ADAM12: variants seen among roughly 807,000 people sequenced by gnomAD.
ADAM12 encodes the protein disintegrin and metalloproteinase domain-containing protein 12.
Under a neutral mutation model 106.4 loss-of-function variants are expected in ADAM12, and 70 were observed. The observed-to-expected ratio is 0.66, with a 90% confidence interval of 0.54 to 0.80. ADAM12 has a LOEUF of 0.80. Among genes scored for constraint, ADAM12 ranks in the 30% least tolerant of loss-of-function variants. ADAM12 has a pLI of 0.00. For synonymous variants in ADAM12, 420 were observed against 433.5 expected (o/e 0.97, Z 0.39); for missense variants, 1,010 against 1,171.9 (o/e 0.86, Z 2.02).
chr10:126,132,273 G>A (rs972768493), intron 5 of ADAM12, among the ~76,000 whole-genome samples: 1 of 152,122 alleles, frequency 6.6e-6, no homozygotes, highest in Non-Finnish European at 1.5e-5. Flanking sequence ...GCGCCCCCGG[G>A]CAGCTTTTCT....
Position 126,039,439 on chromosome 10 carries a change from A to C in ADAM12, c.2105-10T>G. 6.2e-7 allele frequency: 1 copy of C among 1,613,904 alleles called. No individual in the cohort carries two copies. The highest frequency in any genetic ancestry group is 2.2e-5 in the East Asian group (1 of 44,862). ...GTTAAACCTTGGTTATCTGAAACAA[A>C]ACACATGGGGCTCACAGAAGGAGGC... On this transcript the variant is annotated splice_polypyrimidine_tract_variant and intron_variant, in intron 18 of 22. Coordinates refer to ENST00000448723, the MANE Select transcript of ADAM12 (RefSeq NM_001288973.2).
chr10:126,176,843 C>T (rs1957227892), intron 3 of ADAM12, among the ~76,000 whole-genome samples: 1 of 152,154 alleles, frequency 6.6e-6, no homozygotes, highest in African/African-American at 2.4e-5. Flanking sequence ...AGGAGCTTCC[C>T]TCTAAGGGTT....
chr10:126,169,580 C>A (rs570795764), intron 3 of ADAM12, among the ~76,000 whole-genome samples: 2 of 152,250 alleles, frequency 1.3e-5, no homozygotes, highest in South Asian at 4.1e-4. Context: ...GGACTTCTTT[C>A]TACTCTAAAA....
At chr10:126,155,078 G>C in intron 4 of ADAM12, 149 bp downstream of exon 4, 1 of 768,012 alleles carries the variant, frequency 1.3e-6, no homozygotes, top group Non-Finnish European at 2.1e-6. Context: ...ATAATAGAAC[G>C]CCTACCACTA....
chr10:126,145,573 A>T (rs12776125), intron 4 of ADAM12: 1 of 152,230 alleles, frequency 6.6e-6, no homozygotes, highest in South Asian at 2.1e-4. Context: ...TGGGTAGTGT[A>T]GCCTTAGACT....
At chr10:126,090,282 C>T (rs1955437963) in intron 11 of ADAM12, among the ~76,000 whole-genome samples, 1 of 147,974 alleles carries the variant, frequency 6.8e-6, no homozygotes, top group Non-Finnish European at 1.5e-5. Flanking sequence ...GGCCCTATTC[C>T]TCCAACTCTC....
At chr10:126,348,087 C>T (rs1590810749) in intron 1 of ADAM12, among the ~76,000 whole-genome samples, 1 of 152,144 alleles carries the variant, frequency 6.6e-6, no homozygotes, top group South Asian at 2.1e-4. Flanking sequence ...TTGTGGAAAG[C>T]CTTTGTCTTA....
At chr10:126,148,843 C>T (rs1428615274) in intron 4 of ADAM12, among the ~76,000 whole-genome samples, 2 of 127,832 alleles carry the variant, frequency 1.6e-5, no homozygotes, top group South Asian at 2.8e-4. Flanking sequence ...CCCCATGCCC[C>T]GACCTCTTTC....
chr10:126,202,179 C>T (rs182460113), intron 3 of ADAM12, among the ~76,000 whole-genome samples: 360 of 152,328 alleles, frequency 2.4e-3, no homozygotes, highest in African/African-American at 8.4e-3. Flanking sequence ...AGTTCTACTC[C>T]GAAACTTATT....
In ADAM12 at chr10:126,388,408, A is replaced by C; in HGVS notation, c.-263T>G. 19 of 310,638 alleles carry C rather than the reference A, an allele frequency of 6.1e-5. No individual in the cohort carries two copies. The highest frequency in any genetic ancestry group is 5.8e-5 in the East Asian group (1 of 17,318). The allele number at this position is 310,638 out of a possible 1,614,324, so 19.2% of individuals were successfully genotyped here. On this transcript the variant is annotated 5_prime_UTR_variant, in exon 1 of 23. Transcript: ENST00000448723. The surrounding 1 kb of genome is among the most constrained non-coding windows in gnomAD (Gnocchi z 4.4). ...AAGCCAGCCTTGACCGTTGCAATAA[A>C]TGAGCAAACTGTCCGAGTTGGCCCG...
chr10:126,059,849 G>C (rs769314214), intron 14 of ADAM12, among the ~76,000 whole-genome samples: 26 of 152,184 alleles, frequency 1.7e-4, no homozygotes, highest in Admixed American at 3.9e-4. Context: ...AAAAACATTG[G>C]TAAAAGTAAA....
At chr10:126,311,094 T>TACACACACAC (rs67514376) in intron 2 of ADAM12, among the ~76,000 whole-genome samples, 2,529 of 138,530 alleles carry the variant, frequency 0.018, 34 homozygotes, top group Middle Eastern at 0.027. Flanking sequence ...TACACACAAA[T>TACACACACAC]ACACACACAC....
intron 1 of ADAM12, among the ~76,000 whole-genome samples, chr10:126,338,333 A>C (rs903212445): frequency 3.4e-4 from 49 of 142,418 alleles, no homozygotes; most frequent in African/African-American, 1.2e-3. Flanking sequence ...GCTCACTGCA[A>C]GCTCCGCCTC....
intron 8 of ADAM12, among the ~76,000 whole-genome samples, chr10:126,101,512 T>C (rs1955666916): frequency 6.6e-6 from 1 of 152,244 alleles, no homozygotes; most frequent in Admixed American, 6.5e-5. Flanking sequence ...TATGGAAGCA[T>C]ACATTTCAAA....
At chr10:126,188,671 T>A (rs1287385971) in intron 3 of ADAM12, among the ~76,000 whole-genome samples, 1 of 152,218 alleles carries the variant, frequency 6.6e-6, no homozygotes. Flanking sequence ...CCATGACATA[T>A]CTTTGTACGC....
rs1282567780 is a variant in ADAM12, at chr10:126,388,175, G to A, written c.-30C>T. 4.2e-6 allele frequency: 5 copies of A among 1,204,016 alleles called. No individual in the cohort carries two copies. The highest frequency in any genetic ancestry group is 5.2e-6 in the Non-Finnish European group (5 of 969,972). 74.6% of individuals were successfully genotyped at this position (1,204,016 alleles called of 1,614,324 possible). On this transcript the variant is annotated 5_prime_UTR_variant, in exon 1 of 23. Coordinates refer to ENST00000448723, the MANE Select transcript of ADAM12 (RefSeq NM_001288973.2). This position sits in a 1 kb window ranked among gnomAD's most constrained non-coding sequence, Gnocchi z 4.4. ...GCCGGCCTTCAGTGCAGCAGCTCTC[G>A]GGCCCGGCGGCGAGCGCTGCACCAT...
chr10:126,319,973 CCTTTTGA>C (rs1386820812), intron 2 of ADAM12, among the ~76,000 whole-genome samples: 1 of 152,156 alleles, frequency 6.6e-6, no homozygotes, highest in Non-Finnish European at 1.5e-5. Context: ...ACACGTGTTT[CCTTTTGA>C]CCATTTACGT....
At chr10:126,229,803 C>T (rs1958274017) in intron 3 of ADAM12, among the ~76,000 whole-genome samples, 1 of 152,076 alleles carries the variant, frequency 6.6e-6, no homozygotes, top group Non-Finnish European at 1.5e-5. Flanking sequence ...GGAGCTCTGC[C>T]CCGTATTCCA....
rs1956039494 is a variant in ADAM12, at chr10:126,119,079, T to A, written c.417-855A>T. Among the ~76,000 whole-genome samples, 2 of 152,170 alleles carry A rather than the reference T, an allele frequency of 1.3e-5. 1 individual carries two copies. Among genetic ancestry groups the A allele is most frequent in the South Asian group, 4.1e-4 (2 of 4,830 alleles). On this transcript the variant is annotated intron_variant, in intron 5 of 22. Transcript: ENST00000448723. The stretch of plus-strand genomic sequence containing the variant: ...ATTTACTTATTTAATTTGTGGGAGA[T>A]GTGTGAATAAAGGAACCCACTTAAG...
Sources: gnomAD v4.1 joint callset for allele counts (sites outside exome capture counted in the v4.1 genomes callset) on GRCh38, gnomAD v4.1.1 for gene constraint, Gnocchi (gnomAD v3.1) non-coding constraint, MANE v1.5 for transcripts, NCBI Gene and HGNC (gene_info 2026-07-23, HGNC 2026-07-21) for gene names.